The following TMEM266 variants were observed in gnomAD, a reference collection of about 807,000 sequenced individuals.
TMEM266 encodes transmembrane protein 266.
In TMEM266, 33 loss-of-function variants were observed where a neutral mutation model predicts 50.5. That is an observed-to-expected ratio of 0.65 (90% CI 0.50 to 0.87). The LOEUF is 0.87. Among genes scored for constraint, TMEM266 ranks in the 40% least tolerant of loss-of-function variants. The pLI is 0.00. For missense variants in TMEM266, 655 were observed against 695.1 expected (o/e 0.94, Z 0.65); for synonymous variants, 310 against 292.3 (o/e 1.06, Z -0.62).
intron 4 of TMEM266, among the ~76,000 whole-genome samples, chr15:76,158,232 C>T (rs143529312): frequency 1.1e-4 from 17 of 152,282 alleles, no homozygotes; most frequent in African/African-American, 1.7e-4. Context: ...TCTCAGAGAG[C>T]GTGGACGGTG....
At chr15:76,199,376 C>T (rs1176737503) in intron 9 of TMEM266, among the ~76,000 whole-genome samples, 1 of 152,216 alleles carries the variant, frequency 6.6e-6, no homozygotes, top group African/African-American at 2.4e-5. Context: ...CGATCTAATA[C>T]CTTGATAGAC....
chr15:76,081,043 C>T (rs531793075), intron 1 of TMEM266, among the ~76,000 whole-genome samples: 6 of 152,312 alleles, frequency 3.9e-5, no homozygotes, highest in Non-Finnish European at 8.8e-5. Context: ...AGCCTCCGTA[C>T]CCAGCACCCT....
intron 1 of TMEM266, among the ~76,000 whole-genome samples, chr15:76,099,917 A>G (rs1394801968): frequency 2.6e-5 from 4 of 152,152 alleles, no homozygotes; most frequent in African/African-American, 9.7e-5. Flanking sequence ...GGAGAGGGAG[A>G]GAGAGAGGAG....
At chr15:76,173,948 A>AT (rs1443641682) in intron 7 of TMEM266, among the ~76,000 whole-genome samples, 3 of 151,514 alleles carry the variant, frequency 2.0e-5, no homozygotes, top group Non-Finnish European at 4.4e-5. Context: ...AAAATAAAAA[A>AT]AAAAAAAAGA....
In TMEM266 at chr15:76,188,115, G is replaced by A. The variant is rs201568623; in HGVS notation, c.769-3853G>A. On this transcript the variant is annotated intron_variant, in intron 8 of 10. Coordinates refer to ENST00000388942, the MANE Select transcript of TMEM266 (RefSeq NM_152335.3). ...CCCCGCCCCACTGGAACACCACTAG[G>A]GGCTGAACAAGAGGTAACTGATAAT... Among the ~76,000 whole-genome samples the A allele has an allele frequency of 3.3e-5, 5 of 152,016 alleles. No individual in the cohort carries two copies. In the East Asian group the frequency reaches 9.7e-4, roughly 29 times the overall value.
intron 1 of TMEM266, among the ~76,000 whole-genome samples, chr15:76,068,224 GA>G (rs997063318): frequency 1.3e-5 from 2 of 152,212 alleles, no homozygotes; most frequent in Admixed American, 6.5e-5. Flanking sequence ...CCAACTTTGG[GA>G]GAGACCTGAT....
chr15:76,132,570 C>A (rs934284156), intron 1 of TMEM266, among the ~76,000 whole-genome samples: 3 of 141,578 alleles, frequency 2.1e-5, no homozygotes, highest in Admixed American at 2.1e-4. Flanking sequence ...CCGAGGCGGG[C>A]GGATCACTTG....
intron 1 of TMEM266, among the ~76,000 whole-genome samples, chr15:76,123,200 GC>G (rs1321983298): frequency 6.6e-6 from 1 of 152,218 alleles, no homozygotes; most frequent in Non-Finnish European, 1.5e-5. Flanking sequence ...GTGGGAGAAT[GC>G]TCAGGTGTGT....
At chr15:76,177,886 C>G (rs2038317402) in intron 8 of TMEM266, among the ~76,000 whole-genome samples, 1 of 152,232 alleles carries the variant, frequency 6.6e-6, no homozygotes, top group South Asian at 2.1e-4. Flanking sequence ...CAGTGGAAAT[C>G]TGGTGCAATG....
At position 76,134,174 on chromosome 15, in the gene TMEM266, A is replaced by G. The variant is rs2037555112; in HGVS notation, c.-90A>G. ...TTCCTATTTTTGTTTTCAGGGCACT[A>G]TATTTGTATGTGTCTTGTAGAACCC... On this transcript the variant is annotated 5_prime_UTR_variant, in exon 2 of 11. Transcript: ENST00000388942. 2 of 1,437,648 alleles carry G rather than the reference A, an allele frequency of 1.4e-6. No homozygotes were observed. Among genetic ancestry groups the G allele is most frequent in the Non-Finnish European group, 1.9e-6 (2 of 1,026,246 alleles). 89.1% of individuals were successfully genotyped at this position (1,437,648 alleles called of 1,614,324 possible).
intron 8 of TMEM266, among the ~76,000 whole-genome samples, chr15:76,189,066 C>A (rs2038529115): frequency 6.6e-6 from 1 of 152,082 alleles, no homozygotes; most frequent in African/African-American, 2.4e-5. Flanking sequence ...CGGGCATGTG[C>A]CTGTCGTCCC....
intron 1 of TMEM266, among the ~76,000 whole-genome samples, chr15:76,061,336 C>T (rs1340899267): frequency 6.6e-6 from 1 of 152,172 alleles, no homozygotes; most frequent in Non-Finnish European, 1.5e-5. Context: ...GTCCTCACAG[C>T]AAACCTGCTA....
intron 8 of TMEM266, among the ~76,000 whole-genome samples, chr15:76,180,669 A>G (rs1359860300): frequency 1.7e-5 from 2 of 117,720 alleles, no homozygotes; most frequent in Non-Finnish European, 3.2e-5. Flanking sequence ...GCTGGAGTGT[A>G]GTGGCGCCAT....
In TMEM266 at chr15:76,161,161, T is replaced by G. The variant is rs1421494811; in HGVS notation, c.456+993T>G. On this transcript the variant is annotated intron_variant, in intron 5 of 10. Transcript: ENST00000388942. This position sits in a 1 kb window ranked among gnomAD's most constrained non-coding sequence, Gnocchi z 4.1. ...ACCCTTGAGTGTCCCATCCCTGCTA[T>G]GGGTACATATTAGCCCATGCAAAGT... 6.6e-6 allele frequency among the ~76,000 whole-genome samples: 1 copy of G among 152,154 alleles called. No individual in the cohort carries two copies. The highest frequency in any genetic ancestry group is 1.5e-5 in the Non-Finnish European group (1 of 68,026).
At chr15:76,130,861 GTA>G (rs1480614348) in intron 1 of TMEM266, among the ~76,000 whole-genome samples, 1 of 151,906 alleles carries the variant, frequency 6.6e-6, no homozygotes, top group Non-Finnish European at 1.5e-5. Flanking sequence ...CTTCTTTTTT[GTA>G]TATGTTTTAT....
chr15:76,156,611 T>C lies in TMEM266; in HGVS notation c.235T>C (p.Trp79Arg). Residue 79 changes from tryptophan (W) to arginine (R), a missense_variant, in exon 4 of 11, where the codon TGG (tryptophan) becomes CGG (arginine). By Grantham distance (101) the Trp-to-Arg change is moderately radical (BLOSUM62 -3). Coordinates refer to ENST00000388942, the MANE Select transcript of TMEM266 (RefSeq NM_152335.3). ...CCACTTTTGTCCCCACAGGTCTAAC[T>C]GGCTGAAGCCGTGCTGTGGGAAGAG... 2 of 1,613,976 alleles carry C rather than the reference T, an allele frequency of 1.2e-6. No individual in the cohort carries two copies. Among genetic ancestry groups the C allele is most frequent in the Non-Finnish European group, 1.7e-6 (2 of 1,180,004 alleles).
intron 1 of TMEM266, among the ~76,000 whole-genome samples, chr15:76,131,209 A>G (rs1040130637): frequency 2.0e-5 from 3 of 152,288 alleles, no homozygotes; most frequent in Non-Finnish European, 4.4e-5. Flanking sequence ...AAACCTAAAA[A>G]CACAAAAATT....
chr15:76,064,146 C>T (rs1340188121), intron 1 of TMEM266, among the ~76,000 whole-genome samples: 1 of 152,194 alleles, frequency 6.6e-6, no homozygotes, highest in Non-Finnish European at 1.5e-5. Flanking sequence ...CTCCCAGTGG[C>T]CTGAGTCACT....
intron 2 of TMEM266, 99 bp from the exon 3 acceptor site, chr15:76,137,608 A>G (rs1427164529): frequency 1.6e-6 from 2 of 1,238,600 alleles, no homozygotes; most frequent in East Asian, 2.3e-5. Flanking sequence ...TCAGCCCTCC[A>G]CTGGCATAGC....
Sources: gnomAD v4.1 joint callset for allele counts (sites outside exome capture counted in the v4.1 genomes callset) on GRCh38, gnomAD v4.1.1 for gene constraint, Gnocchi (gnomAD v3.1) non-coding constraint, MANE v1.5 for transcripts, NCBI Gene and HGNC (gene_info 2026-07-23, HGNC 2026-07-21) for gene names.